The following SEMA6D variants were observed in gnomAD, a reference collection of about 807,000 sequenced individuals.
SEMA6D encodes the protein semaphorin 6D.
A neutral mutation model predicts 106.6 loss-of-function variants in SEMA6D; 35 were observed. That is an observed-to-expected ratio of 0.33 (90% confidence interval 0.25 to 0.44). The LOEUF is 0.44. Ranked by LOEUF, SEMA6D falls within the 20% of genes least tolerant of loss-of-function variation. SEMA6D has a pLI of 1.00. For missense variants in SEMA6D, 1,185 were observed against 1,345.9 expected (o/e 0.88, Z 1.87); for synonymous variants, 499 against 487.7 (o/e 1.02, Z -0.31).
chr15:47,445,168 G>A (rs2041993703), intron 2 of SEMA6D, among the ~76,000 whole-genome samples: 3 of 152,010 alleles, frequency 2.0e-5, no homozygotes, highest in Non-Finnish European at 1.5e-5. Context: ...TCTCTCCATG[G>A]AGCGTATGGT....
chr15:47,573,893 A>G (rs1370050431), intron 3 of SEMA6D, among the ~76,000 whole-genome samples: 2 of 152,226 alleles, frequency 1.3e-5, no homozygotes, highest in African/African-American at 4.8e-5. Flanking sequence ...TCTGATTTCA[A>G]CATATCCCTC....
chr15:47,606,788 C>T (rs2076791001), intron 4 of SEMA6D, among the ~76,000 whole-genome samples: 1 of 152,152 alleles, frequency 6.6e-6, no homozygotes, highest in Non-Finnish European at 1.5e-5. Context: ...CTTGGTGGCC[C>T]TTGCACATGT....
intron 1 of SEMA6D, among the ~76,000 whole-genome samples, chr15:47,344,007 A>C (rs2037939068): frequency 6.6e-6 from 1 of 152,210 alleles, no homozygotes; most frequent in Admixed American, 6.5e-5. Flanking sequence ...GCCATCAGAG[A>C]AATGCAAATC....
intron 3 of SEMA6D, among the ~76,000 whole-genome samples, chr15:47,572,333 CTT>C (rs2076077458): frequency 6.6e-6 from 1 of 152,106 alleles, no homozygotes; most frequent in African/African-American, 2.4e-5. Context: ...GTGTATTAGT[CTT>C]TGTGATTTTT....
At chr15:47,729,244 A>C (rs2079963570) in intron 1 of SEMA6D, among the ~76,000 whole-genome samples, 1 of 152,212 alleles carries the variant, frequency 6.6e-6, no homozygotes, top group Non-Finnish European at 1.5e-5. Context: ...GGGACTTTTA[A>C]ATATAATCAT....
At chr15:47,273,120 C>T (rs1595599304) in intron 1 of SEMA6D, among the ~76,000 whole-genome samples, 3 of 152,236 alleles carry the variant, frequency 2.0e-5, no homozygotes, top group Admixed American at 2.0e-4. Context: ...TTTGTGGCTA[C>T]ACCATTTGTT....
intron 1 of SEMA6D, among the ~76,000 whole-genome samples, chr15:47,382,479 C>T (rs193045194): frequency 1.3e-5 from 2 of 152,190 alleles, no homozygotes; most frequent in Admixed American, 6.5e-5. Flanking sequence ...TGCACTCCAG[C>T]CTGGGTGACA....
intron 3 of SEMA6D, among the ~76,000 whole-genome samples, chr15:47,472,649 T>TA (rs2042885550): frequency 6.6e-6 from 1 of 152,060 alleles, no homozygotes; most frequent in African/African-American, 2.4e-5. Flanking sequence ...AAGAAATCAA[T>TA]AACATATTAA....
chr15:47,571,494 A>G (rs1566900055), intron 3 of SEMA6D, among the ~76,000 whole-genome samples: 1 of 152,206 alleles, frequency 6.6e-6, no homozygotes, highest in East Asian at 1.9e-4. Flanking sequence ...AATTTGATTA[A>G]ACATTTACAA....
At chr15:47,336,142 A>G (rs2037546150) in intron 1 of SEMA6D, among the ~76,000 whole-genome samples, 1 of 152,206 alleles carries the variant, frequency 6.6e-6, no homozygotes, top group Non-Finnish European at 1.5e-5. Context: ...GGAACAGAAA[A>G]ATGTAAAGGT....
At chr15:47,726,819 C>A (rs589889) in intron 1 of SEMA6D, among the ~76,000 whole-genome samples, 1 of 152,000 alleles carries the variant, frequency 6.6e-6, no homozygotes, top group Non-Finnish European at 1.5e-5. Flanking sequence ...ATGCTTTTAG[C>A]CCTTGTACTG....
At chr15:47,723,982 A>G (rs776620609) in intron 1 of SEMA6D, among the ~76,000 whole-genome samples, 6 of 152,218 alleles carry the variant, frequency 3.9e-5, no homozygotes, top group Non-Finnish European at 8.8e-5. Flanking sequence ...AAGCTCTTTG[A>G]GAAAATAACA....
chr15:47,573,304 A>C (rs1282375415), intron 3 of SEMA6D, among the ~76,000 whole-genome samples: 1 of 152,360 alleles, frequency 6.6e-6, no homozygotes, highest in African/African-American at 2.4e-5. Flanking sequence ...ATTCTCCAAA[A>C]AAAAATCAGA....
At chr15:47,608,301 T>G (rs1394607841) in intron 4 of SEMA6D, among the ~76,000 whole-genome samples, 1 of 152,188 alleles carries the variant, frequency 6.6e-6, no homozygotes, top group African/African-American at 2.4e-5. Context: ...TTTTCTAGAT[T>G]AACCTAAATG....
chr15:47,647,718 G>C (rs1016137711), intron 4 of SEMA6D, among the ~76,000 whole-genome samples: 2 of 134,758 alleles, frequency 1.5e-5, no homozygotes, highest in African/African-American at 6.2e-5. Flanking sequence ...TCAATTGTGG[G>C]CAAAAAAAAA....
intron 17 of SEMA6D, 130 bp from the exon 18 acceptor site, chr15:47,768,451 C>T (rs2082459742): frequency 8.9e-6 from 6 of 676,982 alleles, no homozygotes; most frequent in African/African-American, 5.4e-5. Context: ...CTTCCTCAGG[C>T]GTGTTTTTAC....
chr15:47,401,477 G>A (rs1002030161), intron 1 of SEMA6D, among the ~76,000 whole-genome samples: 1 of 152,146 alleles, frequency 6.6e-6, no homozygotes, highest in South Asian at 2.1e-4. Context: ...ATAATTTGAA[G>A]CATAAAACCT....
chr15:47,460,105 T>C (rs1047884295), intron 2 of SEMA6D, among the ~76,000 whole-genome samples: 1 of 152,012 alleles, frequency 6.6e-6, no homozygotes, highest in East Asian at 1.9e-4. Context: ...GTCATCTAAT[T>C]AGCCATCCCA....
At chr15:47,471,932 C>CAG (rs1882912508) in intron 3 of SEMA6D, among the ~76,000 whole-genome samples, 1 of 37,762 alleles carries the variant, frequency 2.6e-5, no homozygotes, top group Admixed American at 3.8e-4. Context: ...CTCTCTCTCT[C>CAG]ACACACACAC....
Sources: gnomAD v4.1 joint callset for allele counts (sites outside exome capture counted in the v4.1 genomes callset) on GRCh38, gnomAD v4.1.1 for gene constraint, MANE v1.5 for transcripts, NCBI Gene and HGNC (gene_info 2026-07-23, HGNC 2026-07-21) for gene names.